The following PRKG1 variants were observed in gnomAD, a reference collection of about 807,000 sequenced individuals.
The protein encoded by PRKG1 is protein kinase cGMP-dependent 1.
In PRKG1, 35 loss-of-function variants were observed where a neutral mutation model predicts 88.1. That is an observed-to-expected ratio of 0.40 (90% CI 0.30 to 0.53). The LOEUF (loss-of-function observed/expected upper bound fraction) is 0.53, where lower values mean the gene tolerates loss of function less well. Ranked by LOEUF, PRKG1 falls within the 20% of genes least tolerant of loss-of-function variation. The pLI is 0.59. For synonymous variants in PRKG1, 303 were observed against 292.5 expected, an observed-to-expected ratio of 1.04 and a Z score of -0.37; for missense variants, 540 against 839.8, an observed-to-expected ratio of 0.64 and a Z score of 4.41.
At chr10:52,069,748 G>T (rs894715013) in intron 7 of PRKG1, among the ~76,000 whole-genome samples, 3 of 151,754 alleles carry the variant, frequency 2.0e-5, no homozygotes, top group Non-Finnish European at 4.4e-5. Context: ...CATCCTCATT[G>T]CTCATGTGTC....
At chr10:51,220,151 A>G (rs1392601969) in intron 2 of PRKG1, among the ~76,000 whole-genome samples, 1 of 152,154 alleles carries the variant, frequency 6.6e-6, no homozygotes, top group African/African-American at 2.4e-5. Context: ...AAGAAATATA[A>G]ACAACCTTAC....
At chr10:51,465,158 G>T (rs953186437) in intron 2 of PRKG1, among the ~76,000 whole-genome samples, 1 of 152,044 alleles carries the variant, frequency 6.6e-6, no homozygotes, top group Non-Finnish European at 1.5e-5. Context: ...CCTATGGGGC[G>T]AATATCTTAT....
intron 3 of PRKG1, among the ~76,000 whole-genome samples, chr10:51,691,979 T>A (rs1389036125): frequency 6.6e-6 from 1 of 152,188 alleles, no homozygotes; most frequent in Non-Finnish European, 1.5e-5. Context: ...TAGATGAGGA[T>A]CTTTTCCTCT....
chr10:51,439,900 TG>T (rs1350891212), intron 2 of PRKG1, among the ~76,000 whole-genome samples: 2 of 151,992 alleles, frequency 1.3e-5, no homozygotes, highest in African/African-American at 4.8e-5. Context: ...GAGCTTTTGT[TG>T]AACTTGAAGA....
intron 3 of PRKG1, among the ~76,000 whole-genome samples, chr10:51,512,193 G>GT (rs796923024): frequency 0.024 from 2,858 of 117,606 alleles, 84 homozygotes; most frequent in African/African-American, 0.077. Context: ...TTTTTTTTTA[G>GT]TTTTTTTTTT....
intron 2 of PRKG1, among the ~76,000 whole-genome samples, chr10:51,301,740 G>C (rs10733816): frequency 0.87 from 132,997 of 152,232 alleles, 58,397 homozygotes; most frequent in East Asian, 0.97. Context: ...CCACTTTCCC[G>C]TAAGAAGCCC....
intron 4 of PRKG1, among the ~76,000 whole-genome samples, chr10:51,830,093 G>A (rs1564664996): frequency 6.6e-6 from 1 of 152,088 alleles, no homozygotes; most frequent in Non-Finnish European, 1.5e-5. Context: ...TCCTGGGAGA[G>A]TAGGGTGTCT....
intron 4 of PRKG1, among the ~76,000 whole-genome samples, chr10:51,888,181 ATT>A (rs1403700676): frequency 6.6e-6 from 1 of 152,184 alleles, no homozygotes; most frequent in African/African-American, 2.4e-5. Context: ...GAATGTGTGC[ATT>A]TTTTGTGCAT....
chr10:51,012,293 G>A (rs1330879439), intron 1 of PRKG1, among the ~76,000 whole-genome samples: 1 of 152,212 alleles, frequency 6.6e-6, no homozygotes, highest in East Asian at 1.9e-4. Context: ...GGAACAATAA[G>A]TAGTGAATAT....
chr10:51,952,596 T>C (rs185837631), intron 5 of PRKG1, among the ~76,000 whole-genome samples: 7 of 152,340 alleles, frequency 4.6e-5, no homozygotes. Context: ...AAATGCTTAA[T>C]AAATATTAAG....
At chr10:52,189,868 G>A (rs1839320261) in intron 9 of PRKG1, among the ~76,000 whole-genome samples, 1 of 152,134 alleles carries the variant, frequency 6.6e-6, no homozygotes, top group Admixed American at 6.5e-5. Flanking sequence ...CTGCCATTGA[G>A]GGCTGTTGTC....
chr10:51,363,778 A>C (rs1842534492), intron 2 of PRKG1, among the ~76,000 whole-genome samples: 1 of 151,978 alleles, frequency 6.6e-6, no homozygotes, highest in Non-Finnish European at 1.5e-5. Context: ...CCCATTAGTC[A>C]GTCCATGTGG....
At chr10:50,998,559 C>A (rs571120481) in intron 1 of PRKG1, among the ~76,000 whole-genome samples, 1 of 152,130 alleles carries the variant, frequency 6.6e-6, no homozygotes, top group Non-Finnish European at 1.5e-5. Flanking sequence ...GCCAGCCTGG[C>A]CAAAATGGTG....
intron 2 of PRKG1, among the ~76,000 whole-genome samples, chr10:51,290,340 G>A (rs1374732954): frequency 6.6e-6 from 1 of 152,150 alleles, no homozygotes; most frequent in Non-Finnish European, 1.5e-5. Context: ...CATAAATGCT[G>A]CATTTTGTGC....
intron 3 of PRKG1, among the ~76,000 whole-genome samples, chr10:51,618,298 T>C (rs1839115700): frequency 6.6e-6 from 1 of 152,164 alleles, no homozygotes; most frequent in Non-Finnish European, 1.5e-5. Flanking sequence ...ATAGCCATGG[T>C]CCAGAAAATT....
intron 2 of PRKG1, among the ~76,000 whole-genome samples, chr10:51,313,334 T>C (rs750221124): frequency 6.6e-6 from 1 of 152,138 alleles, no homozygotes; most frequent in Non-Finnish European, 1.5e-5. Context: ...AAGAGTAAGA[T>C]ACAGTTCTAC....
At chr10:51,998,547 G>A (rs1041315139) in intron 5 of PRKG1, among the ~76,000 whole-genome samples, 3 of 152,040 alleles carry the variant, frequency 2.0e-5, no homozygotes, top group Middle Eastern at 3.4e-3. Context: ...CCAACAGCCT[G>A]TTTTTTCAGG....
intron 2 of PRKG1, among the ~76,000 whole-genome samples, chr10:51,341,260 C>T (rs1233921739): frequency 6.6e-6 from 1 of 152,156 alleles, no homozygotes; most frequent in Non-Finnish European, 1.5e-5. Flanking sequence ...TATTTATCTA[C>T]ATAGAATTGT....
intron 9 of PRKG1, chr10:52,184,868 C>T (rs939055612): frequency 2.0e-5 from 3 of 152,146 alleles, no homozygotes; most frequent in African/African-American, 7.2e-5. Context: ...GGAGCAATAA[C>T]TCACTTATCA....
Sources: gnomAD v4.1 joint callset for allele counts (sites outside exome capture counted in the v4.1 genomes callset) on GRCh38, gnomAD v4.1.1 for gene constraint, MANE v1.5 for transcripts, NCBI Gene and HGNC (gene_info 2026-07-23, HGNC 2026-07-21) for gene names.